Variants in EBF1 observed in about 807,000 individuals in gnomAD.
EBF1 encodes transcription factor COE1.
Under a neutral mutation model 68.4 loss-of-function variants are expected in EBF1, and 10 were observed. The ratio of observed to expected loss-of-function variants is 0.15; its 90% confidence interval spans 0.09 to 0.25. The LOEUF is 0.25. Ranked by LOEUF, EBF1 falls within the 10% of genes least tolerant of loss-of-function variation. EBF1 has a pLI of 1.00. For missense variants in EBF1, 509 were observed against 794.4 expected (o/e 0.64, Z 4.32); for synonymous variants, 298 against 299.8 (o/e 0.99, Z 0.06).
intron 6 of EBF1, among the ~76,000 whole-genome samples, chr5:158,988,928 C>T: frequency 6.6e-6 from 1 of 152,198 alleles, no homozygotes; most frequent in East Asian, 1.9e-4. Context: ...GCTGGTATCT[C>T]CAGTTGAATT....
At chr5:159,089,126 T>C (rs1260213908) in intron 4 of EBF1, among the ~76,000 whole-genome samples, 1 of 152,140 alleles carries the variant, frequency 6.6e-6, no homozygotes, top group African/African-American at 2.4e-5. Flanking sequence ...CTCTAATGAG[T>C]AGAAAGAAAA....
At chr5:158,985,512 C>G (rs763798482) in intron 6 of EBF1, among the ~76,000 whole-genome samples, 1 of 152,162 alleles carries the variant, frequency 6.6e-6, no homozygotes, top group Non-Finnish European at 1.5e-5. Flanking sequence ...GGGCAGAGAA[C>G]CATTGGGAGA....
intron 6 of EBF1, among the ~76,000 whole-genome samples, chr5:158,916,458 T>G (rs1274920646): frequency 3.9e-5 from 6 of 152,186 alleles, no homozygotes; most frequent in Non-Finnish European, 8.8e-5. Flanking sequence ...GCATGTACAA[T>G]TTACTAAGAT....
rs1771967952 is a variant in EBF1 at position 158,763,515 on chromosome 5, T to C, written c.1036+13898A>G. ...TCAGAGGTCAAGAAAACCCCCTTCT[T>C]TTTTGTCAACAGACAGAAAAGCATG... On this transcript the variant is annotated intron_variant, in intron 10 of 15. Coordinates refer to ENST00000313708, the MANE Select transcript of EBF1 (RefSeq NM_024007.5). 1.3e-5 allele frequency among the ~76,000 whole-genome samples: 2 copies of C among 152,184 alleles called. 1 individual carries two copies. The highest frequency in any genetic ancestry group is 4.1e-4 in the South Asian group (2 of 4,824).
intron 6 of EBF1, among the ~76,000 whole-genome samples, chr5:159,072,461 A>G (rs1339084397): frequency 6.6e-6 from 1 of 152,196 alleles, no homozygotes; most frequent in African/African-American, 2.4e-5. Flanking sequence ...ATATTGCTGA[A>G]ACCCAAAAAG....
chr5:158,944,785 A>G (rs1312685974), intron 6 of EBF1, among the ~76,000 whole-genome samples: 1 of 152,140 alleles, frequency 6.6e-6, no homozygotes, highest in Non-Finnish European at 1.5e-5. Context: ...ATGGGATCTC[A>G]TTGTGGTTTT....
At chr5:158,787,074 A>G (rs1287465665) in intron 9 of EBF1, among the ~76,000 whole-genome samples, 1 of 152,188 alleles carries the variant, frequency 6.6e-6, no homozygotes, top group East Asian at 1.9e-4. Context: ...GAACTCAGAG[A>G]TGTAATAAAA....
chr5:159,032,261 A>T (rs1027989706), intron 6 of EBF1, among the ~76,000 whole-genome samples: 18 of 152,272 alleles, frequency 1.2e-4, no homozygotes, highest in African/African-American at 3.6e-4. Context: ...AGGTATGATT[A>T]TCTCCGTTGT....
intron 6 of EBF1, among the ~76,000 whole-genome samples, chr5:158,958,222 T>C (rs1049259460): frequency 6.6e-6 from 1 of 152,234 alleles, no homozygotes; most frequent in Middle Eastern, 3.4e-3. Flanking sequence ...AAGTAAGGGA[T>C]CCTCTTTTAC....
At chr5:159,063,476 A>G (rs773545917) in intron 6 of EBF1, among the ~76,000 whole-genome samples, 4 of 152,208 alleles carry the variant, frequency 2.6e-5, no homozygotes, top group Admixed American at 6.5e-5. Flanking sequence ...ATATCAATAT[A>G]TTCTTTGTTT....
intron 8 of EBF1, among the ~76,000 whole-genome samples, chr5:158,798,008 T>C (rs993792259): frequency 6.6e-6 from 1 of 152,150 alleles, no homozygotes; most frequent in African/African-American, 2.4e-5. Context: ...AAGTAAAAAA[T>C]GTTTAAATGC....
At chr5:159,048,158 G>C (rs1772810132) in intron 6 of EBF1, among the ~76,000 whole-genome samples, 1 of 152,186 alleles carries the variant, frequency 6.6e-6, no homozygotes, top group Non-Finnish European at 1.5e-5. Flanking sequence ...ACAAACATTT[G>C]TGGTATATGA....
At position 158,749,090 on chromosome 5, in the gene EBF1, C is replaced by T. The variant is rs568878611; in HGVS notation, c.1037-17933G>A. 3.4e-3 allele frequency among the ~76,000 whole-genome samples: 519 copies of T among 152,268 alleles called. 3 individuals are homozygous for T. Among genetic ancestry groups the T allele is most frequent in the African/African-American group, 0.012 (495 of 41,552 alleles). On this transcript the variant is annotated intron_variant, in intron 10 of 15. Transcript: ENST00000313708. ...AAGAGGGCCTAGATTGACTGCCCTT[C>T]TATGCCAGGAGAAGCAAGCTCCTTG...
At position 159,094,513 on chromosome 5, in the gene EBF1, G is replaced by A. The variant is rs1014661362; in HGVS notation, c.411+1107C>T. Among the ~76,000 whole-genome samples, 37 of 152,082 alleles carry A rather than the reference G, an allele frequency of 2.4e-4. 1 individual carries two copies. The highest frequency in any genetic ancestry group is 8.9e-4 in the African/African-American group (37 of 41,410). ...TTAAAATGCCCAACAGCTTATTAAT[G>A]TGACATTTCTACCACATATTTAAGC... On this transcript the variant is annotated intron_variant, in intron 4 of 15. Coordinates refer to ENST00000313708, the MANE Select transcript of EBF1 (RefSeq NM_024007.5).
chr5:158,714,484 C>T (rs1235196449), intron 11 of EBF1, among the ~76,000 whole-genome samples: 2 of 151,620 alleles, frequency 1.3e-5, no homozygotes, highest in African/African-American at 2.4e-5. Context: ...AGGTCATTTA[C>T]TAGATTACTA....
chr5:159,010,485 T>TCCC (rs139510047), intron 6 of EBF1, among the ~76,000 whole-genome samples: 5 of 151,984 alleles, frequency 3.3e-5, no homozygotes, highest in Non-Finnish European at 7.4e-5. Context: ...CGGAAAATAC[T>TCCC]CCCCCCCAGA....
chr5:158,804,618 A>G (rs1361974828), intron 8 of EBF1, among the ~76,000 whole-genome samples: 2 of 152,152 alleles, frequency 1.3e-5, no homozygotes, highest in Non-Finnish European at 2.9e-5. Flanking sequence ...CACTTGAAAG[A>G]CTTGTTGAAG....
rs559397301 is a variant in EBF1, at chr5:158,963,921, C to G, written c.554+109475G>C. Among the ~76,000 whole-genome samples, 134 of 152,248 alleles carry G rather than the reference C, an allele frequency of 8.8e-4. No homozygotes were observed. The South Asian group carries it at 0.011, about 13-fold the overall frequency. ...GAAGACAATAATATCCTGCACCCTG[C>G]CCTCAAGGAGCTCGCTGCTGGGGAT... On this transcript the variant is annotated intron_variant, in intron 6 of 15. Coordinates refer to ENST00000313708, the MANE Select transcript of EBF1 (RefSeq NM_024007.5).
intron 6 of EBF1, among the ~76,000 whole-genome samples, chr5:158,949,436 C>G (rs1351321839): frequency 1.3e-5 from 2 of 152,070 alleles, no homozygotes; most frequent in Admixed American, 1.3e-4. Flanking sequence ...TTGAGACCAG[C>G]CTGGGCAACA....
Sources: gnomAD v4.1 joint callset for allele counts (sites outside exome capture counted in the v4.1 genomes callset) on GRCh38, gnomAD v4.1.1 for gene constraint, MANE v1.5 for transcripts, NCBI Gene and HGNC (gene_info 2026-07-23, HGNC 2026-07-21) for gene names.